PRSS23: variants seen among roughly 807,000 people sequenced by gnomAD.
The protein encoded by PRSS23 is serine protease 23.
In PRSS23, 25 loss-of-function variants were observed where a neutral mutation model predicts 34.7. The ratio of observed to expected loss-of-function variants is 0.72; its 90% CI spans 0.53 to 1.01. The LOEUF (loss-of-function observed/expected upper bound fraction) is 1.01. Among genes scored for constraint, PRSS23 ranks in the 50% least tolerant of loss-of-function variants. The probability of loss-of-function intolerance (pLI) is 0.00; values close to 1 mark genes in which losing one functional copy is unlikely to be tolerated. For missense variants in PRSS23, 445 were observed against 475.6 expected, an observed-to-expected ratio of 0.94 and a Z score of 0.60; for synonymous variants, 176 against 186.6, an observed-to-expected ratio of 0.94 and a Z score of 0.46.
intron 2 of PRSS23, chr11:86,911,825 G>T (rs1948980299): frequency 6.5e-6 from 1 of 153,006 alleles, no homozygotes; most frequent in Non-Finnish European, 1.5e-5. Flanking sequence ...AGGCTGGAGT[G>T]CAATGGCATG....
At chr11:86,941,289 C>CT (rs1949205755) in intron 2 of PRSS23, among the ~76,000 whole-genome samples, 2 of 152,266 alleles carry the variant, frequency 1.3e-5, no homozygotes, top group South Asian at 4.1e-4. Flanking sequence ...GACCTATGGA[C>CT]TTAGGAAGAA....
intron 2 of PRSS23, among the ~76,000 whole-genome samples, chr11:86,850,532 G>C (rs564170655): frequency 2.6e-5 from 4 of 152,212 alleles, no homozygotes; most frequent in South Asian, 4.2e-4. Flanking sequence ...TAATATTGAA[G>C]ATATATGCTT....
At chr11:86,903,727 C>T (rs1427368317) in intron 2 of PRSS23, among the ~76,000 whole-genome samples, 3 of 152,126 alleles carry the variant, frequency 2.0e-5, no homozygotes, top group Non-Finnish European at 4.4e-5. Flanking sequence ...TCATGATCCA[C>T]CTGCCTCGGC....
At chr11:86,849,545 T>C (rs901955138) in intron 2 of PRSS23, among the ~76,000 whole-genome samples, 5 of 152,162 alleles carry the variant, frequency 3.3e-5, no homozygotes, top group African/African-American at 9.7e-5. Context: ...TCAAACGCAA[T>C]ATCCCTTAAG....
intron 2 of PRSS23, among the ~76,000 whole-genome samples, chr11:86,920,371 G>A (rs377040055): frequency 1.3e-5 from 2 of 152,164 alleles, no homozygotes; most frequent in Non-Finnish European, 2.9e-5. Flanking sequence ...CCAGTAGTCC[G>A]AACTTGAGAA....
In PRSS23 at chr11:86,810,245, A is replaced by G. The variant is rs1374574824; in HGVS notation, c.*1450A>G. 2 of 166,858 alleles carry G rather than the reference A, an allele frequency of 1.2e-5. No individual in the cohort carries two copies. Among genetic ancestry groups the G allele is most frequent in the South Asian group, 4.1e-4 (2 of 4,834 alleles). The allele number at this position is 166,858 out of a possible 1,614,324, so 10.3% of individuals were successfully genotyped here. ...TATCGGAGAAAAAATCAAATGGACT[A>G]CAAGCACGTGTTTGCTGTGCTTGCA... On this transcript the variant is annotated 3_prime_UTR_variant, in exon 2 of 2. Coordinates refer to ENST00000280258, the MANE Select transcript of PRSS23 (RefSeq NM_007173.6).
chr11:86,840,572 A>G (rs1429728639), intron 2 of PRSS23, among the ~76,000 whole-genome samples: 1 of 152,232 alleles, frequency 6.6e-6, no homozygotes, highest in African/African-American at 2.4e-5. Flanking sequence ...GTTAACAAGG[A>G]TATCCAGGAC....
At chr11:86,818,656 T>G (rs1367423392) in intron 1 of PRSS23, among the ~76,000 whole-genome samples, 1 of 152,226 alleles carries the variant, frequency 6.6e-6, no homozygotes, top group Non-Finnish European at 1.5e-5. Flanking sequence ...TGCTCATTCT[T>G]GGATTGCCCC....
chr11:86,798,696 G>A (rs1302878555), upstream of PRSS23, among the ~76,000 whole-genome samples: 1 of 152,140 alleles, frequency 6.6e-6, no homozygotes, highest in African/African-American at 2.4e-5. Flanking sequence ...ATCTGGTTTT[G>A]TGTCTGTGTG....
intron 2 of PRSS23, among the ~76,000 whole-genome samples, chr11:86,901,593 T>A (rs551134155): frequency 1.3e-5 from 2 of 152,100 alleles, no homozygotes; most frequent in Non-Finnish European, 1.5e-5. Context: ...GAAAAGAAGG[T>A]GCATTTATCA....
At chr11:86,821,521 T>A in intron 1 of PRSS23, 1 of 1,611,104 alleles carries the variant, frequency 6.2e-7, no homozygotes, top group Non-Finnish European at 8.5e-7. Flanking sequence ...ATTGTTCAGT[T>A]GCTGTCATTT....
intron 2 of PRSS23, chr11:86,936,805 C>T (rs1949166141): frequency 6.6e-6 from 1 of 150,878 alleles, no homozygotes; most frequent in South Asian, 2.1e-4. Flanking sequence ...CTGGGAGGAT[C>T]ACTTGAGCCT....
intron 2 of PRSS23, among the ~76,000 whole-genome samples, chr11:86,920,343 T>C (rs1949039685): frequency 6.6e-6 from 1 of 152,232 alleles, no homozygotes; most frequent in Non-Finnish European, 1.5e-5. Flanking sequence ...GGTGCCAAGT[T>C]CTGAGCACCT....
chr11:86,822,306 T>C (rs1438419420), intron 1 of PRSS23, among the ~76,000 whole-genome samples: 1 of 152,174 alleles, frequency 6.6e-6, no homozygotes, highest in Non-Finnish European at 1.5e-5. Flanking sequence ...GATGAAATGT[T>C]ATGTTTTATG....
intron 2 of PRSS23, chr11:86,833,113 G>A (rs1360025169): frequency 3.2e-5 from 21 of 647,686 alleles, no homozygotes; most frequent in Non-Finnish European, 6.0e-5. Context: ...CTCACACTCA[G>A]GAGCATGTCT....
At chr11:86,816,028 T>C (rs1460269845), downstream of PRSS23, among the ~76,000 whole-genome samples, 1 of 152,170 alleles carries the variant, frequency 6.6e-6, no homozygotes, top group Non-Finnish European at 1.5e-5. Context: ...GAAGTTTAGT[T>C]TTCTTAGCCA....
intron 2 of PRSS23, among the ~76,000 whole-genome samples, chr11:86,932,356 A>G (rs1382899625): frequency 2.6e-5 from 4 of 152,184 alleles, no homozygotes; most frequent in Non-Finnish European, 5.9e-5. Flanking sequence ...GGTTTGAAGG[A>G]TACAGCAAAA....
At chr11:86,857,992 C>T (rs1363086044) in intron 2 of PRSS23, 5 of 322,020 alleles carry the variant, frequency 1.6e-5, no homozygotes, top group Non-Finnish European at 3.1e-5. Flanking sequence ...GGATATTGTT[C>T]CTAATATCCA....
intron 2 of PRSS23, among the ~76,000 whole-genome samples, chr11:86,941,422 T>A (rs1418385317): frequency 2.0e-5 from 3 of 152,198 alleles, no homozygotes; most frequent in Non-Finnish European, 1.5e-5. Flanking sequence ...TTTATCTGTG[T>A]CCCCTACGGT....
Sources: allele counts gnomAD v4.1 joint callset (sites outside exome capture counted in the v4.1 genomes callset), GRCh38; gene constraint gnomAD v4.1.1; transcripts MANE v1.5; gene names NCBI Gene and HGNC (gene_info 2026-07-23, HGNC 2026-07-21).